ST6GALNAC5: variants seen among roughly 807,000 people sequenced by gnomAD.
The protein encoded by ST6GALNAC5 is alpha-N-acetylgalactosaminide alpha-2,6-sialyltransferase 5.
Under a neutral mutation model 33.6 loss-of-function variants are expected in ST6GALNAC5, and 27 were observed. The observed-to-expected ratio is 0.80, with a 90% CI of 0.59 to 1.11. The LOEUF (loss-of-function observed/expected upper bound fraction) is 1.11, where lower values mean the gene tolerates loss of function less well. ST6GALNAC5 is among the 50% of genes least tolerant of loss of function. ST6GALNAC5 has a pLI of 0.00. For synonymous variants in ST6GALNAC5, 194 were observed against 171.2 expected (o/e 1.13, Z -1.04); for missense variants, 428 against 454.0 (o/e 0.94, Z 0.52).
At chr1:76,989,282 TA>T (rs1649628210) in intron 2 of ST6GALNAC5, among the ~76,000 whole-genome samples, 1 of 151,836 alleles carries the variant, frequency 6.6e-6, no homozygotes, top group African/African-American at 2.4e-5. Flanking sequence ...TTAATTCTTC[TA>T]TTTTTTTTTT....
At chr1:76,932,303 G>C (rs1378946043) in intron 2 of ST6GALNAC5, among the ~76,000 whole-genome samples, 2 of 152,106 alleles carry the variant, frequency 1.3e-5, no homozygotes, top group African/African-American at 4.8e-5. Context: ...GCATCACAAA[G>C]AATTAGCTTG....
At chr1:76,877,847 T>G (rs1653681278) in intron 2 of ST6GALNAC5, among the ~76,000 whole-genome samples, 1 of 152,244 alleles carries the variant, frequency 6.6e-6, no homozygotes, top group African/African-American at 2.4e-5. Flanking sequence ...ATTCCTGGCC[T>G]TGCCAGCTGA....
intron 2 of ST6GALNAC5, among the ~76,000 whole-genome samples, chr1:77,005,489 C>T (rs1334361402): frequency 6.6e-6 from 1 of 152,224 alleles, no homozygotes. Context: ...CGGAGCTGTT[C>T]CTATTCAGCC....
At chr1:76,982,194 G>C (rs536411718) in intron 2 of ST6GALNAC5, among the ~76,000 whole-genome samples, 4 of 151,932 alleles carry the variant, frequency 2.6e-5, no homozygotes, top group African/African-American at 9.7e-5. Flanking sequence ...TCTTCAGAAG[G>C]TCGGTAATAA....
In ST6GALNAC5 at chr1:76,918,113, T is replaced by C. The variant is rs1322034809; in HGVS notation, c.261+49371T>C. Among the ~76,000 whole-genome samples, 5 of 152,268 alleles carry C rather than the reference T, an allele frequency of 3.3e-5. No homozygotes were observed. The South Asian group carries it at 1.0e-3, about 32-fold the overall frequency. On this transcript the variant is annotated intron_variant, in intron 2 of 4. Coordinates refer to ENST00000477717, the MANE Select transcript of ST6GALNAC5 (RefSeq NM_030965.3). ...TCCCACTAGGTAACATATGAAGAAT[T>C]GTTTTAAAAAAAGTTATTCAGCTGG...
chr1:76,993,234 A>G (rs1165264717), intron 2 of ST6GALNAC5, among the ~76,000 whole-genome samples: 2 of 152,084 alleles, frequency 1.3e-5, no homozygotes, highest in Non-Finnish European at 2.9e-5. Context: ...TATTTTGTCT[A>G]TCTCTGTGTT....
chr1:76,971,516 G>T (rs1345952613), intron 2 of ST6GALNAC5, among the ~76,000 whole-genome samples: 5 of 152,152 alleles, frequency 3.3e-5, no homozygotes, highest in Non-Finnish European at 4.4e-5. Context: ...TATATCACAT[G>T]ATTTTTCTCT....
In ST6GALNAC5 at chr1:77,065,694, A is replaced by T. The variant is rs1652750583; in HGVS notation, c.*2488A>T. ...TGAACACTATTCAACACCATTAAAT[A>T]TAAACTCTGATATAAAAGATGACTA... On this transcript the variant is annotated 3_prime_UTR_variant, in exon 5 of 5. Transcript: ENST00000477717. 1 of 152,222 alleles carries T rather than the reference A, an allele frequency of 6.6e-6. No homozygotes were observed. Among genetic ancestry groups the T allele is most frequent in the South Asian group, 2.1e-4 (1 of 4,828 alleles). 9.4% of individuals were successfully genotyped at this position (152,222 alleles called of 1,614,324 possible). A position where few individuals can be genotyped will look rare whatever the true frequency, so the allele number is the denominator to read the frequency against.
Position 77,012,130 on chromosome 1 carries a change from G to A in ST6GALNAC5, c.262-32074G>A, listed in dbSNP as rs148108416. Among the ~76,000 whole-genome samples, 22 of 152,268 alleles carry A rather than the reference G, an allele frequency of 1.4e-4. No homozygotes were observed. In the East Asian group the frequency reaches 3.7e-3, roughly 25 times the overall value. On this transcript the variant is annotated intron_variant, in intron 2 of 4. Coordinates refer to ENST00000477717, the MANE Select transcript of ST6GALNAC5 (RefSeq NM_030965.3). The stretch of plus-strand genomic sequence containing the variant: ...AGTGGCCTGAAGCTTTACAAAATTT[G>A]ATTAGAGAGAGTTGCATCACTAGGA...
intron 2 of ST6GALNAC5, among the ~76,000 whole-genome samples, chr1:77,025,646 T>C (rs1273921216): frequency 1.3e-5 from 2 of 151,770 alleles, no homozygotes; most frequent in Admixed American, 6.6e-5. Context: ...TGTGGTGGGG[T>C]GACCAGTTGG....
chr1:77,028,602 G>A (rs1434267538), intron 2 of ST6GALNAC5, among the ~76,000 whole-genome samples: 1 of 152,212 alleles, frequency 6.6e-6, no homozygotes, highest in African/African-American at 2.4e-5. Flanking sequence ...AAGTTATTCT[G>A]TCTCCCAATG....
intron 2 of ST6GALNAC5, among the ~76,000 whole-genome samples, chr1:76,950,035 C>T (rs1013542795): frequency 4.6e-5 from 7 of 152,160 alleles, no homozygotes; most frequent in Admixed American, 3.3e-4. Flanking sequence ...TCACACAGTA[C>T]TGTGGAATTA....
At chr1:76,915,834 A>T (rs935004432) in intron 2 of ST6GALNAC5, among the ~76,000 whole-genome samples, 4 of 151,088 alleles carry the variant, frequency 2.6e-5, no homozygotes, top group African/African-American at 9.8e-5. Context: ...CCAAAAACTT[A>T]AAGTACAATA....
chr1:77,052,722 C>A (rs1055050180), intron 4 of ST6GALNAC5, among the ~76,000 whole-genome samples: 2 of 151,630 alleles, frequency 1.3e-5, no homozygotes, highest in African/African-American at 4.8e-5. Context: ...AGTTCAAGAC[C>A]AGCCTGGCCA....
At chr1:76,981,185 G>A (rs1296127896) in intron 2 of ST6GALNAC5, among the ~76,000 whole-genome samples, 7 of 152,194 alleles carry the variant, frequency 4.6e-5, no homozygotes, top group Non-Finnish European at 1.0e-4. Flanking sequence ...AGCAGAGCGG[G>A]CATCGCCTCA....
intron 2 of ST6GALNAC5, among the ~76,000 whole-genome samples, chr1:76,915,851 A>C (rs1646966838): frequency 6.6e-6 from 1 of 150,854 alleles, no homozygotes; most frequent in African/African-American, 2.5e-5. Flanking sequence ...AATAATAATA[A>C]ATTAAAAAAA....
At chr1:76,882,759 T>C (rs1653809314) in intron 2 of ST6GALNAC5, among the ~76,000 whole-genome samples, 1 of 152,172 alleles carries the variant, frequency 6.6e-6, no homozygotes, top group African/African-American at 2.4e-5. Context: ...AACTTACAGA[T>C]CTTTTCATGT....
chr1:77,002,042 T>C lies in ST6GALNAC5; in HGVS notation c.262-42162T>C, dbSNP rs1570078765. ...GAAGGATTCCCTCTTTTTCTATTGA[T>C]TGGAATAGTTTCAGAAGGAATGGTA... On this transcript the variant is annotated intron_variant, in intron 2 of 4. Transcript: ENST00000477717. 2.0e-5 allele frequency among the ~76,000 whole-genome samples: 3 copies of C among 152,278 alleles called. No individual in the cohort carries two copies. The East Asian group carries it at 5.8e-4, about 29-fold the overall frequency.
chr1:77,034,202 A>T (rs979045041), intron 2 of ST6GALNAC5, among the ~76,000 whole-genome samples: 6 of 152,054 alleles, frequency 3.9e-5, no homozygotes, highest in Non-Finnish European at 5.9e-5. Context: ...CTAGGGAATG[A>T]TACTTCCTTG....
Sources: allele counts gnomAD v4.1 joint callset (sites outside exome capture counted in the v4.1 genomes callset), GRCh38; gene constraint gnomAD v4.1.1; transcripts MANE v1.5; gene names NCBI Gene and HGNC (gene_info 2026-07-23, HGNC 2026-07-21).